TRABD2B: variants seen among roughly 807,000 people sequenced by gnomAD.
The protein encoded by TRABD2B is TraB domain containing 2B.
A neutral mutation model predicts 40.1 loss-of-function variants in TRABD2B; 14 were observed. The ratio of observed to expected loss-of-function variants is 0.35; its 90% confidence interval spans 0.23 to 0.55. The LOEUF is 0.55. Ranked by LOEUF, TRABD2B falls within the 20% of genes least tolerant of loss-of-function variation. The pLI is 0.90. For synonymous variants in TRABD2B, 263 were observed against 277.0 expected, an observed-to-expected ratio of 0.95 and a Z score of 0.50; for missense variants, 541 against 648.6, an observed-to-expected ratio of 0.83 and a Z score of 1.80.
At chr1:47,977,710 G>A (rs1337121788) in intron 2 of TRABD2B, among the ~76,000 whole-genome samples, 4 of 151,428 alleles carry the variant, frequency 2.6e-5, no homozygotes, top group Admixed American at 1.3e-4. Context: ...CAGGAATAAG[G>A]AACCAAGAGG....
chr1:47,778,788 CT>C (rs1644482329), intron 4 of TRABD2B, among the ~76,000 whole-genome samples: 1 of 152,372 alleles, frequency 6.6e-6, no homozygotes, highest in African/African-American at 2.4e-5. Flanking sequence ...GTTTCCTCAT[CT>C]GCAAAGTGAG....
At chr1:47,817,584 G>A (rs947504362) in intron 2 of TRABD2B, among the ~76,000 whole-genome samples, 5 of 152,114 alleles carry the variant, frequency 3.3e-5, no homozygotes, top group African/African-American at 1.2e-4. Flanking sequence ...CACGGATGTC[G>A]GCTGTGAAGA....
rs905310729 is a variant in TRABD2B, at chr1:47,970,525, A to G, written c.666+23509T>C. On this transcript the variant is annotated intron_variant, in intron 2 of 6. Transcript: ENST00000606738. ...CTCATTCCCTCTTTCCCTCCATGAC[A>G]TAATTTACGGTCCTGCCCTTGCCTG... Among the ~76,000 whole-genome samples, 4 of 152,156 alleles carry G rather than the reference A, an allele frequency of 2.6e-5. No homozygotes were observed. In the East Asian group the frequency reaches 7.7e-4, roughly 29 times the overall value.
intron 5 of TRABD2B, among the ~76,000 whole-genome samples, chr1:47,776,576 A>G (rs1195015039): frequency 1.3e-5 from 2 of 152,182 alleles, no homozygotes; most frequent in Admixed American, 6.5e-5. Flanking sequence ...GCTTAGCCCA[A>G]GGGCACCCTC....
rs567655382 is a variant in TRABD2B at position 47,854,174 on chromosome 1, G to A, written c.667-52555C>T. ...TCTGAACCTCTGTAAAATGGGGACGGTCTCCTGGGTTTGAAACTAGGAAAA... is the reference window on the plus strand; with the variant it reads ...TCTGAACCTCTGTAAAATGGGGACGATCTCCTGGGTTTGAAACTAGGAAAA... On this transcript the variant is annotated intron_variant, in intron 2 of 6. Coordinates refer to ENST00000606738, the MANE Select transcript of TRABD2B (RefSeq NM_001194986.2). Among the ~76,000 whole-genome samples the A allele has an allele frequency of 8.5e-5, 13 of 152,268 alleles. No individual in the cohort carries two copies. In the East Asian group the frequency reaches 2.1e-3, roughly 25 times the overall value.
chr1:47,919,279 C>T (rs941252717), intron 2 of TRABD2B, among the ~76,000 whole-genome samples: 1 of 152,256 alleles, frequency 6.6e-6, no homozygotes, highest in African/African-American at 2.4e-5. Flanking sequence ...TAAGTGGTGG[C>T]TGGCTGGGCC....
chr1:47,880,875 T>C (rs1019099651), intron 2 of TRABD2B, among the ~76,000 whole-genome samples: 4 of 152,218 alleles, frequency 2.6e-5, no homozygotes, highest in African/African-American at 9.7e-5. Context: ...CTTTTTTTCC[T>C]CAATTGCTGA....
intron 2 of TRABD2B, among the ~76,000 whole-genome samples, chr1:47,917,938 A>G (rs1041265776): frequency 6.6e-6 from 1 of 152,204 alleles, no homozygotes; most frequent in African/African-American, 2.4e-5. Flanking sequence ...TTCCCATTAC[A>G]AAGCCTCTTA....
chr1:47,947,190 C>T (rs1645271151), intron 2 of TRABD2B, among the ~76,000 whole-genome samples: 2 of 152,100 alleles, frequency 1.3e-5, no homozygotes, highest in African/African-American at 4.8e-5. Context: ...TATGTTCTTC[C>T]CACCTTATTT....
intron 2 of TRABD2B, among the ~76,000 whole-genome samples, chr1:47,815,079 G>A (rs1292578988): frequency 3.3e-5 from 5 of 152,264 alleles, no homozygotes; most frequent in South Asian, 4.2e-4. Context: ...ACAAGGGATC[G>A]GTCTGCTTCA....
chr1:47,975,228 G>A (rs1645739079), intron 2 of TRABD2B, among the ~76,000 whole-genome samples: 1 of 152,132 alleles, frequency 6.6e-6, no homozygotes, highest in Non-Finnish European at 1.5e-5. Flanking sequence ...TAATAACAGG[G>A]GAACTGGGTG....
At chr1:47,992,075 G>C (rs528850236) in intron 2 of TRABD2B, among the ~76,000 whole-genome samples, 7 of 152,330 alleles carry the variant, frequency 4.6e-5, no homozygotes, top group African/African-American at 1.7e-4. Flanking sequence ...ATGGAGATTA[G>C]GGAACTAAGA....
At chr1:47,800,067 C>T (rs184003601) in intron 3 of TRABD2B, among the ~76,000 whole-genome samples, 22 of 152,094 alleles carry the variant, frequency 1.4e-4, no homozygotes, top group Admixed American at 3.9e-4. Flanking sequence ...TTACTGAGTC[C>T]AGCTCTGGGC....
chr1:47,831,481 A>G (rs193142438), intron 2 of TRABD2B, among the ~76,000 whole-genome samples: 1 of 152,222 alleles, frequency 6.6e-6, no homozygotes, highest in Non-Finnish European at 1.5e-5. Flanking sequence ...GGATCTGCAG[A>G]CATTTGTCAG....
intron 2 of TRABD2B, among the ~76,000 whole-genome samples, chr1:47,933,100 T>C (rs1448931035): frequency 8.4e-6 from 1 of 119,450 alleles, no homozygotes; most frequent in Non-Finnish European, 1.7e-5. Flanking sequence ...AGCCCCCATC[T>C]CCTGTCATTT....
At position 47,761,403 on chromosome 1, in the gene TRABD2B, T is replaced by C; in HGVS notation, c.*4499A>G. 6.6e-6 allele frequency: 1 copy of C among 152,392 alleles called. No homozygotes were observed. The highest frequency in any genetic ancestry group is 6.5e-5 in the Admixed American group (1 of 15,300). 9.4% of individuals were successfully genotyped at this position (152,392 alleles called of 1,614,324 possible). ...GCTGCAGGCCTGGGTTCCAGTTCAC[T>C]CCTCCTCCACCTTTCAGAAGTTCCC... On this transcript the variant is annotated 3_prime_UTR_variant, in exon 7 of 7. Transcript: ENST00000606738.
intron 2 of TRABD2B, among the ~76,000 whole-genome samples, chr1:47,882,901 G>C (rs1295828829): frequency 1.3e-5 from 2 of 152,160 alleles, no homozygotes; most frequent in Admixed American, 6.5e-5. Flanking sequence ...TAAAAGGATT[G>C]GGAGAGGAGT....
At chr1:47,894,404 G>C (rs1021550836) in intron 2 of TRABD2B, among the ~76,000 whole-genome samples, 28 of 152,200 alleles carry the variant, frequency 1.8e-4, no homozygotes, top group Non-Finnish European at 2.2e-4. Flanking sequence ...CACTCAGTAA[G>C]TTCTTGTTAT....
At chr1:47,844,471 C>T (rs116413301) in intron 2 of TRABD2B, among the ~76,000 whole-genome samples, 2,612 of 152,262 alleles carry the variant, frequency 0.017, 75 homozygotes, top group African/African-American at 0.059. Flanking sequence ...GCCCAGATGC[C>T]GTTAGCCCTC....
Sources: gnomAD v4.1 joint callset for allele counts (sites outside exome capture counted in the v4.1 genomes callset) on GRCh38, gnomAD v4.1.1 for gene constraint, MANE v1.5 for transcripts, NCBI Gene and HGNC (gene_info 2026-07-23, HGNC 2026-07-21) for gene names.